The following SLC67A1 variants were observed in gnomAD, a reference collection of about 807,000 sequenced individuals.
SLC67A1 encodes the protein solute carrier family 67 member 1.
the SLC67A1 span, chr11:2,917,149 G>A: frequency 1.9e-5 from 4 of 216,130 alleles, no homozygotes; most frequent in Non-Finnish European, 3.0e-5. Flanking sequence ...GCTGCCCGAG[G>A]GGCACTCATT....
the SLC67A1 span, chr11:2,916,124 G>A: frequency 2.0e-5 from 3 of 153,342 alleles, no homozygotes; most frequent in African/African-American, 7.2e-5. Flanking sequence ...CCAACAGGAG[G>A]GGGGTCGGTT....
At chr11:2,914,475 T>C in the SLC67A1 span, among the ~76,000 whole-genome samples, 12 of 152,144 alleles carry the variant, frequency 7.9e-5, no homozygotes, top group Non-Finnish European at 1.2e-4. Flanking sequence ...CAGTTCATTT[T>C]TGGGGAGCAG....
the SLC67A1 span, among the ~76,000 whole-genome samples, chr11:2,910,126 G>C: frequency 6.6e-6 from 1 of 152,208 alleles, no homozygotes; most frequent in African/African-American, 2.4e-5. Flanking sequence ...GAGGTCTCTA[G>C]GGCTGTGCTG....
chr11:2,902,486 C>CT, the SLC67A1 span: 27 of 695,908 alleles, frequency 3.9e-5, no homozygotes, highest in East Asian at 3.0e-3. Flanking sequence ...CCTGCTCCCC[C>CT]CAGCCTCCCT....
At chr11:2,923,030 T>C in the SLC67A1 span, among the ~76,000 whole-genome samples, 1 of 152,218 alleles carries the variant, frequency 6.6e-6, no homozygotes, top group African/African-American at 2.4e-5. This position sits in a 1 kb window ranked among gnomAD's most constrained non-coding sequence, Gnocchi z 6.5. Context: ...ACAGGTCCCC[T>C]AGACATAGAT....
the SLC67A1 span, chr11:2,924,985 C>T: frequency 3.2e-6 from 5 of 1,584,902 alleles, no homozygotes; most frequent in Non-Finnish European, 4.3e-6. The surrounding 1 kb of genome is among the most constrained non-coding windows in gnomAD (Gnocchi z 8.6). Context: ...TGCCCAGGGC[C>T]TGACTACCCC....
At chr11:2,908,858 G>A in the SLC67A1 span, among the ~76,000 whole-genome samples, 1 of 152,314 alleles carries the variant, frequency 6.6e-6, no homozygotes, top group Non-Finnish European at 1.5e-5. Context: ...GAAAGGCGCT[G>A]CTTTCTCAGA....
At chr11:2,908,367 T>A in the SLC67A1 span, 1 of 1,492,062 alleles carries the variant, frequency 6.7e-7, no homozygotes, top group Non-Finnish European at 9.2e-7. Flanking sequence ...CTCCCCACAG[T>A]GACCCAGGCC....
chr11:2,914,968 A>G, the SLC67A1 span: 3 of 985,242 alleles, frequency 3.0e-6, no homozygotes, highest in African/African-American at 5.2e-5. Context: ...CATTTTCCCA[A>G]AGGAAGGGCC....
chr11:2,918,482 G>A, the SLC67A1 span, among the ~76,000 whole-genome samples: 5 of 152,202 alleles, frequency 3.3e-5, no homozygotes, highest in African/African-American at 7.2e-5. Flanking sequence ...ACCGTAGGGC[G>A]TCACGGACCA....
At chr11:2,904,390 C>A in the SLC67A1 span, among the ~76,000 whole-genome samples, 1 of 152,238 alleles carries the variant, frequency 6.6e-6, no homozygotes, top group Admixed American at 6.5e-5. Flanking sequence ...GATCCCTCCC[C>A]GCCGTGCCTC....
At chr11:2,909,400 G>T in the SLC67A1 span, 16 of 1,492,892 alleles carry the variant, frequency 1.1e-5, no homozygotes, top group Non-Finnish European at 1.4e-5. Flanking sequence ...CGGGTCGGGG[G>T]CAGCCTGCGG....
the SLC67A1 span, among the ~76,000 whole-genome samples, chr11:2,902,933 A>T: frequency 1.7e-3 from 263 of 152,322 alleles, 1 homozygote; most frequent in Middle Eastern, 0.01. Flanking sequence ...GAAGGCGCTG[A>T]TGATTTGAGG....
the SLC67A1 span, chr11:2,920,314 G>A: frequency 5.3e-5 from 8 of 152,374 alleles, no homozygotes; most frequent in African/African-American, 1.9e-4. Flanking sequence ...GGTAAAAAGA[G>A]ATAAACAGAA....
At chr11:2,914,779 CT>C in the SLC67A1 span, 1 of 985,464 alleles carries the variant, frequency 1.0e-6, no homozygotes, top group South Asian at 4.7e-5. Flanking sequence ...GGTTTTGCCC[CT>C]GCCCAGCCAG....
chr11:2,904,406 C>G, the SLC67A1 span, among the ~76,000 whole-genome samples: 1 of 152,240 alleles, frequency 6.6e-6, no homozygotes, highest in African/African-American at 2.4e-5. Flanking sequence ...GCCTCAGGCG[C>G]CCCGCCCACT....
the SLC67A1 span, chr11:2,908,417 T>G: frequency 9.9e-7 from 1 of 1,007,616 alleles, no homozygotes; most frequent in South Asian, 1.6e-5. Flanking sequence ...CCAGGTTCCC[T>G]GACCCCACAC....
At chr11:2,899,906 C>T in the SLC67A1 span, 3 of 563,616 alleles carry the variant, frequency 5.3e-6, no homozygotes, top group Non-Finnish European at 9.2e-6. Context: ...TCTCCTCCTG[C>T]CGCTTCATCC....
the SLC67A1 span, among the ~76,000 whole-genome samples, chr11:2,901,739 C>T: frequency 2.0e-5 from 3 of 152,166 alleles, no homozygotes; most frequent in Non-Finnish European, 4.4e-5. Context: ...TAGCAGCCTC[C>T]GGGTCTGGGG....
Sources: gnomAD v4.1 joint callset for allele counts (sites outside exome capture counted in the v4.1 genomes callset) on GRCh38, gnomAD v4.1.1 for gene constraint, Gnocchi (gnomAD v3.1) non-coding constraint, MANE v1.5 for transcripts, NCBI Gene and HGNC (gene_info 2026-07-23, HGNC 2026-07-21) for gene names.